Variants in SLC14A2 observed in about 807,000 individuals in gnomAD.
The protein encoded by SLC14A2 is solute carrier family 14 member 2, also known as urea transporter 2.
Under a neutral mutation model 104.6 loss-of-function variants are expected in SLC14A2, and 91 were observed. The observed-to-expected ratio is 0.87, with a 90% confidence interval of 0.73 to 1.04. SLC14A2 has a LOEUF of 1.04. SLC14A2 is among the 50% of genes least tolerant of loss of function. The pLI, the probability that SLC14A2 is intolerant of heterozygous loss-of-function variation, is 0.00. For synonymous variants in SLC14A2, 476 were observed against 466.4 expected, an observed-to-expected ratio of 1.02 and a Z score of -0.27; for missense variants, 1,189 against 1,156.0, an observed-to-expected ratio of 1.03 and a Z score of -0.41.
chr18:45,432,594 A>G (rs1447572023), intron 1 of SLC14A2, among the ~76,000 whole-genome samples: 1 of 152,014 alleles, frequency 6.6e-6, no homozygotes, highest in Non-Finnish European at 1.5e-5. Flanking sequence ...ACCAACTGCA[A>G]TTTCTCTGCA....
At chr18:45,256,967 C>T (rs1457810017) in intron 1 of SLC14A2, among the ~76,000 whole-genome samples, 1 of 152,220 alleles carries the variant, frequency 6.6e-6, no homozygotes, top group African/African-American at 2.4e-5. Context: ...TTACATGGAC[C>T]AGTGTTGCTC....
chr18:45,294,850 T>C (rs1386264437), intron 1 of SLC14A2, among the ~76,000 whole-genome samples: 1 of 152,226 alleles, frequency 6.6e-6, no homozygotes, highest in Non-Finnish European at 1.5e-5. Context: ...GACAAACACA[T>C]GGCAGTATCT....
intron 2 of SLC14A2, among the ~76,000 whole-genome samples, chr18:45,536,136 A>G (rs754289301): frequency 2.6e-5 from 4 of 152,184 alleles, no homozygotes; most frequent in Non-Finnish European, 5.9e-5. Flanking sequence ...TGTATTGCCT[A>G]TGTGAGAGAA....
chr18:45,216,397 G>A (rs1254238976), intron 1 of SLC14A2, among the ~76,000 whole-genome samples: 1 of 152,202 alleles, frequency 6.6e-6, no homozygotes, highest in East Asian at 1.9e-4. Flanking sequence ...ACAGAGTGAG[G>A]CTGGTCTAGT....
At chr18:45,467,865 G>A (rs2087172484) in intron 1 of SLC14A2, among the ~76,000 whole-genome samples, 4 of 152,188 alleles carry the variant, frequency 2.6e-5, no homozygotes, top group Admixed American at 2.6e-4. Flanking sequence ...TGTCCTGGAG[G>A]AGGTGGAGGT....
chr18:45,400,119 A>G (rs1598758163), intron 1 of SLC14A2, among the ~76,000 whole-genome samples: 2 of 152,254 alleles, frequency 1.3e-5, no homozygotes, highest in South Asian at 4.1e-4. Flanking sequence ...GAACAGGATA[A>G]GGACATATCG....
intron 1 of SLC14A2, among the ~76,000 whole-genome samples, chr18:45,364,614 A>T (rs977779077): frequency 1.3e-5 from 2 of 152,226 alleles, no homozygotes; most frequent in Admixed American, 1.3e-4. Flanking sequence ...AATTGCAGCA[A>T]GAGAGAAAAC....
chr18:45,448,289 A>T (rs1347218506), intron 1 of SLC14A2, among the ~76,000 whole-genome samples: 1 of 152,238 alleles, frequency 6.6e-6, no homozygotes, highest in African/African-American at 2.4e-5. Flanking sequence ...TGACCTTAGA[A>T]TTTCTGAAAG....
intron 1 of SLC14A2, among the ~76,000 whole-genome samples, chr18:45,238,078 A>C (rs1400909242): frequency 6.6e-6 from 1 of 152,236 alleles, no homozygotes; most frequent in African/African-American, 2.4e-5. Context: ...TTATTGGATG[A>C]ATTGGAAACT....
At chr18:45,614,987 GGGTTTCACC>G (rs970906974), upstream of SLC14A2, 1 of 152,096 alleles carries the variant, frequency 6.6e-6, no homozygotes, top group Non-Finnish European at 1.5e-5. Context: ...AGTAGAGACA[GGGTTTCACC>G]ACATTGGCCA....
At chr18:45,545,255 T>G (rs184657707) in intron 2 of SLC14A2, among the ~76,000 whole-genome samples, 1 of 152,344 alleles carries the variant, frequency 6.6e-6, no homozygotes, top group Non-Finnish European at 1.5e-5. Flanking sequence ...ATTTTAAGCT[T>G]TTATTTTAAA....
chr18:45,491,337 A>T (rs2042995982), intron 2 of SLC14A2, among the ~76,000 whole-genome samples: 1 of 152,212 alleles, frequency 6.6e-6, no homozygotes, highest in Non-Finnish European at 1.5e-5. Context: ...AACCACATTA[A>T]TATACCATTT....
intron 10 of SLC14A2, among the ~76,000 whole-genome samples, chr18:45,659,451 T>C (rs2045898140): frequency 6.6e-6 from 1 of 152,218 alleles, no homozygotes; most frequent in Non-Finnish European, 1.5e-5. Flanking sequence ...ATGTAATATC[T>C]TAGGAACCAA....
At chr18:45,241,639 CTTTTTTTTTTT>C (rs370878349) in intron 1 of SLC14A2, among the ~76,000 whole-genome samples, 5 of 118,042 alleles carry the variant, frequency 4.2e-5, no homozygotes, top group African/African-American at 1.3e-4. Context: ...TTTCTTTTCT[CTTTTTTTTTTT>C]TTTTTTTTTT....
chr18:45,675,019 C>G (rs1049797984), intron 18 of SLC14A2, among the ~76,000 whole-genome samples: 4 of 152,274 alleles, frequency 2.6e-5, no homozygotes, highest in Admixed American at 6.5e-5. Context: ...TTCCTCCATC[C>G]GAACTCATTA....
At chr18:45,181,961 A>C in the SLC14A2 span, among the ~76,000 whole-genome samples, 6 of 152,152 alleles carry the variant, frequency 3.9e-5, no homozygotes, top group African/African-American at 1.4e-4. Context: ...GTACAATTAC[A>C]AACTGGTTAA....
rs140140906 is a variant in SLC14A2, at chr18:45,444,813, G to T, written c.-124-38420G>T. ...TCTTTTTAAAGCTACTTCTCTCAGG[G>T]AGCCTATGAGAGGTGGAGAAAGTGG... is the stretch of plus-strand genomic sequence containing the variant. On this transcript the variant is annotated intron_variant, in intron 1 of 20. Transcript: ENST00000586448. Among the ~76,000 whole-genome samples, 1,521 of 152,262 alleles carry T rather than the reference G, an allele frequency of 1.0e-2. 16 individuals are homozygous for T. Among genetic ancestry groups the T allele is most frequent in the African/African-American group, 0.024 (1,005 of 41,548 alleles).
intron 1 of SLC14A2, among the ~76,000 whole-genome samples, chr18:45,378,017 CAT>C (rs1392025843): frequency 1.3e-5 from 2 of 152,206 alleles, no homozygotes; most frequent in Non-Finnish European, 2.9e-5. Flanking sequence ...AAAATGCACA[CAT>C]CTTTCAAAAT....
chr18:45,570,249 C>A (rs2044326002), intron 2 of SLC14A2, among the ~76,000 whole-genome samples: 1 of 152,192 alleles, frequency 6.6e-6, no homozygotes, highest in Non-Finnish European at 1.5e-5. Flanking sequence ...CCACCCTGGG[C>A]TACCCTTTGG....
Sources: gnomAD v4.1 joint callset for allele counts (sites outside exome capture counted in the v4.1 genomes callset) on GRCh38, gnomAD v4.1.1 for gene constraint, MANE v1.5 for transcripts, NCBI Gene and HGNC (gene_info 2026-07-23, HGNC 2026-07-21) for gene names.